Variants in NFIB observed in about 807,000 individuals in gnomAD.
NFIB encodes the protein nuclear factor I B.
NFIB carries 11 observed loss-of-function variants against 61.5 expected under a neutral mutation model. The observed-to-expected ratio is 0.18, with a 90% CI of 0.11 to 0.30. The LOEUF (loss-of-function observed/expected upper bound fraction) is 0.30. Among genes scored for constraint, NFIB ranks in the 10% least tolerant of loss-of-function variants. The pLI is 1.00. For missense variants in NFIB, 471 were observed against 608.9 expected (o/e 0.77, Z 2.38); for synonymous variants, 260 against 216.5 (o/e 1.20, Z -1.76).
At chr9:14,241,079 T>G (rs142028957) in intron 2 of NFIB, among the ~76,000 whole-genome samples, 331 of 152,332 alleles carry the variant, frequency 2.2e-3, no homozygotes, top group African/African-American at 7.8e-3. Flanking sequence ...AGAAAGCACA[T>G]GGCAAGAATA....
intron 8 of NFIB, among the ~76,000 whole-genome samples, chr9:14,118,774 T>C (rs1230548556): frequency 4.7e-5 from 7 of 150,284 alleles, no homozygotes; most frequent in Non-Finnish European, 1.0e-4. Context: ...TTTTCTTTTT[T>C]TTTTTTTTTT....
chr9:14,312,872 C>CG (rs2060348992), intron 1 of NFIB, among the ~76,000 whole-genome samples: 1 of 152,110 alleles, frequency 6.6e-6, no homozygotes, highest in African/African-American at 2.4e-5. Context: ...CTTTGTGGTG[C>CG]GGTCACTAGA....
At chr9:14,270,083 T>A (rs1020265936) in intron 2 of NFIB, among the ~76,000 whole-genome samples, 6 of 152,180 alleles carry the variant, frequency 3.9e-5, no homozygotes, top group Non-Finnish European at 7.3e-5. Context: ...GAAAGTTACA[T>A]GACCTTACAC....
At chr9:14,267,374 T>C (rs2057285996) in intron 2 of NFIB, among the ~76,000 whole-genome samples, 2 of 152,214 alleles carry the variant, frequency 1.3e-5, no homozygotes, top group African/African-American at 4.8e-5. Flanking sequence ...CTGATAATTA[T>C]GAAAGGTTAA....
At chr9:14,255,727 T>C (rs887457869) in intron 2 of NFIB, among the ~76,000 whole-genome samples, 7 of 152,328 alleles carry the variant, frequency 4.6e-5, no homozygotes, top group Admixed American at 6.5e-5. Context: ...AAGGTCACTA[T>C]AAATAACCTT....
rs1281073805 is a variant in NFIB, at chr9:14,155,905, T to C, written c.617-12A>G. The C allele has an allele frequency of 1.3e-6, 2 of 1,483,152 alleles. No homozygotes were observed. Among genetic ancestry groups the C allele is most frequent in the South Asian group, 1.2e-5 (1 of 81,868 alleles). The allele number at this position is 1,483,152 out of a possible 1,614,324, so 91.9% of individuals were successfully genotyped here. A position where few individuals can be genotyped will look rare whatever the true frequency, so the allele number is the denominator to read the frequency against. On this transcript the variant is annotated splice_polypyrimidine_tract_variant and intron_variant, in intron 3 of 10. Transcript: ENST00000380953. ...ATCCTCAAGGTAACCTGAAAATAAATATTAAAGGAAAAATGATCAATATAA... is the reference window on the plus strand; with the variant it reads ...ATCCTCAAGGTAACCTGAAAATAAACATTAAAGGAAAAATGATCAATATAA...
At chr9:14,211,360 T>A (rs565277519) in intron 2 of NFIB, among the ~76,000 whole-genome samples, 1 of 152,148 alleles carries the variant, frequency 6.6e-6, no homozygotes, top group African/African-American at 2.4e-5. Context: ...CCTAGATCGA[T>A]AGTAAGAAAC....
At chr9:14,406,947 T>C in the NFIB span, among the ~76,000 whole-genome samples, 8 of 152,222 alleles carry the variant, frequency 5.3e-5, no homozygotes, top group Non-Finnish European at 8.8e-5. Flanking sequence ...TTTAAGCCAT[T>C]GAGATATCAT....
rs1284620825 is a variant in NFIB at position 14,084,520 on chromosome 9, T to A, written c.*3789A>T. The stretch of plus-strand genomic sequence containing the variant: ...ACAGTCTCCTTCACTGCCTTTTATT[T>A]TTTTCCTTAGACAAGCCTCAAATGC... On this transcript the variant is annotated 3_prime_UTR_variant, in exon 11 of 11. Transcript: ENST00000380953. 1 of 226,000 alleles carries A rather than the reference T, an allele frequency of 4.4e-6. No individual in the cohort carries two copies. Among genetic ancestry groups the A allele is most frequent in the Non-Finnish European group, 8.8e-6 (1 of 113,202 alleles). The allele number at this position is 226,000 out of a possible 1,614,324, so 14.0% of individuals were successfully genotyped here.
intron 2 of NFIB, among the ~76,000 whole-genome samples, chr9:14,287,527 G>T (rs1362972733): frequency 6.6e-6 from 1 of 151,842 alleles, no homozygotes; most frequent in African/African-American, 2.4e-5. Context: ...GGGTTCAAAC[G>T]ATCTTCTGCC....
At chr9:14,438,084 G>A in the NFIB span, among the ~76,000 whole-genome samples, 1 of 150,468 alleles carries the variant, frequency 6.6e-6, no homozygotes, top group Non-Finnish European at 1.5e-5. Flanking sequence ...TGGAGAGAGA[G>A]AGATTGGTGG....
At chr9:14,419,501 A>G in the NFIB span, among the ~76,000 whole-genome samples, 1 of 152,120 alleles carries the variant, frequency 6.6e-6, no homozygotes, top group South Asian at 2.1e-4. Flanking sequence ...GTCTAGTTGA[A>G]TGCTCTGCTG....
intron 2 of NFIB, among the ~76,000 whole-genome samples, chr9:14,246,875 G>C (rs894992600): frequency 6.6e-6 from 1 of 152,160 alleles, no homozygotes; most frequent in African/African-American, 2.4e-5. Context: ...GGTCTTTATG[G>C]AAGTAATTAA....
At chr9:14,457,108 T>C in the NFIB span, among the ~76,000 whole-genome samples, 2 of 152,158 alleles carry the variant, frequency 1.3e-5, no homozygotes, top group African/African-American at 4.8e-5. Flanking sequence ...TATGCTGCCA[T>C]TGATCTTAAA....
intron 1 of NFIB, among the ~76,000 whole-genome samples, chr9:14,373,352 T>C (rs532115957): frequency 1.9e-4 from 29 of 152,222 alleles, no homozygotes; most frequent in Non-Finnish European, 3.8e-4. Context: ...ATAGAGCCCA[T>C]TGCCAGCAGT....
intron 1 of NFIB, among the ~76,000 whole-genome samples, chr9:14,337,514 C>T (rs1216884630): frequency 6.6e-6 from 1 of 152,134 alleles, no homozygotes; most frequent in Non-Finnish European, 1.5e-5. Context: ...GACTTGGGGT[C>T]ATTATTGCAT....
intron 2 of NFIB, among the ~76,000 whole-genome samples, chr9:14,193,537 T>A (rs1441204875): frequency 6.6e-6 from 1 of 152,190 alleles, no homozygotes; most frequent in Admixed American, 6.5e-5. Context: ...CTGTTTCCTT[T>A]AGGAAATGGT....
At position 14,280,795 on chromosome 9, in the gene NFIB, T is replaced by A. The variant is rs143668701; in HGVS notation, c.562+26194A>T. On this transcript the variant is annotated intron_variant, in intron 2 of 10. Transcript: ENST00000380953. Reference sequence around the variant, plus strand: ...ACGAGTAGTAAAATAGGGAAAAGAATCCTCAGGTATAGAAGGTGGCCAGGG... The same window carrying A: ...ACGAGTAGTAAAATAGGGAAAAGAAACCTCAGGTATAGAAGGTGGCCAGGG... Among the ~76,000 whole-genome samples the A allele has an allele frequency of 4.4e-4, 67 of 152,190 alleles. No homozygotes were observed. The East Asian group carries it at 0.012, about 28-fold the overall frequency.
chr9:14,154,874 G>A (rs1250868045), intron 4 of NFIB, among the ~76,000 whole-genome samples: 1 of 152,114 alleles, frequency 6.6e-6, no homozygotes, highest in Middle Eastern at 3.2e-3. Context: ...CTAAAACACT[G>A]CTTATTCTTA....
Sources: allele counts gnomAD v4.1 joint callset (sites outside exome capture counted in the v4.1 genomes callset), GRCh38; gene constraint gnomAD v4.1.1; transcripts MANE v1.5; gene names NCBI Gene and HGNC (gene_info 2026-07-23, HGNC 2026-07-21).